PTPRT: variants seen among roughly 807,000 people sequenced by gnomAD.
PTPRT encodes the protein receptor-type tyrosine-protein phosphatase T.
PTPRT carries 56 observed loss-of-function variants against 176.8 expected under a neutral mutation model. That is an observed-to-expected ratio of 0.32 (90% confidence interval 0.26 to 0.40). The LOEUF (loss-of-function observed/expected upper bound fraction) is 0.40, where lower values mean the gene tolerates loss of function less well. Ranked by LOEUF, PTPRT falls within the 10% of genes least tolerant of loss-of-function variation. The pLI, the probability that PTPRT is intolerant of heterozygous loss-of-function variation, is 1.00. For missense variants in PTPRT, 1,540 were observed against 1,908.2 expected (o/e 0.81, Z 3.60); for synonymous variants, 783 against 739.0 (o/e 1.06, Z -0.96).
chr20:42,747,891 T>C (rs894484861), intron 6 of PTPRT, among the ~76,000 whole-genome samples: 4 of 152,296 alleles, frequency 2.6e-5, no homozygotes, highest in Admixed American at 6.5e-5. Context: ...TATCTAACTT[T>C]TTCAAATGAT....
chr20:42,428,054 C>T (rs1263466392), intron 9 of PTPRT, among the ~76,000 whole-genome samples: 2 of 152,330 alleles, frequency 1.3e-5, no homozygotes, highest in Admixed American at 1.3e-4. Context: ...AGCCATGTTG[C>T]TCACACAAAG....
At chr20:42,579,065 C>G (rs1010756076) in intron 7 of PTPRT, among the ~76,000 whole-genome samples, 1 of 119,174 alleles carries the variant, frequency 8.4e-6, no homozygotes, top group Non-Finnish European at 1.7e-5. Flanking sequence ...CCCCTCCCCC[C>G]ACCCCACAAC....
At chr20:43,105,698 C>T (rs532425974) in intron 1 of PTPRT, among the ~76,000 whole-genome samples, 1 of 152,248 alleles carries the variant, frequency 6.6e-6, no homozygotes, top group Non-Finnish European at 1.5e-5. Context: ...CCGCACCCAG[C>T]CTTCTCTGCT....
At chr20:42,326,334 T>C (rs568188209) in intron 11 of PTPRT, among the ~76,000 whole-genome samples, 1 of 152,280 alleles carries the variant, frequency 6.6e-6, no homozygotes, top group Non-Finnish European at 1.5e-5. Context: ...AATGGAATAA[T>C]TGTGACCAAT....
chr20:42,608,346 A>T (rs1010591783), intron 7 of PTPRT, among the ~76,000 whole-genome samples: 7 of 151,938 alleles, frequency 4.6e-5, no homozygotes, highest in African/African-American at 1.7e-4. Context: ...GTCTCTGGAA[A>T]CCCAGAACGT....
chr20:42,636,230 T>G (rs1047551154), intron 7 of PTPRT, among the ~76,000 whole-genome samples: 8 of 152,068 alleles, frequency 5.3e-5, no homozygotes, highest in African/African-American at 1.9e-4. Context: ...AAGTCTGAAG[T>G]GGGTAGGGAC....
At chr20:42,338,666 AC>A (rs2058072538) in intron 11 of PTPRT, among the ~76,000 whole-genome samples, 1 of 152,258 alleles carries the variant, frequency 6.6e-6, no homozygotes, top group Non-Finnish European at 1.5e-5. Flanking sequence ...TTGAAAAAAA[AC>A]ATTGATTCCT....
chr20:42,831,606 G>C (rs546206756), intron 2 of PTPRT, among the ~76,000 whole-genome samples: 1 of 152,224 alleles, frequency 6.6e-6, no homozygotes, highest in Non-Finnish European at 1.5e-5. Context: ...TACATAATGC[G>C]AGAAAATGTT....
intron 13 of PTPRT, among the ~76,000 whole-genome samples, chr20:42,272,350 T>A (rs1179186604): frequency 6.6e-6 from 1 of 152,116 alleles, no homozygotes; most frequent in African/African-American, 2.4e-5. Context: ...ATATTTACTA[T>A]CTGTCCTTTT....
chr20:42,168,169 AGGAGG>A (rs1989912200), intron 16 of PTPRT, among the ~76,000 whole-genome samples: 1 of 151,640 alleles, frequency 6.6e-6, no homozygotes, highest in Non-Finnish European at 1.5e-5. Flanking sequence ...ACTGAGGAGG[AGGAGG>A]AGGAGGAGGA....
At chr20:42,544,646 C>T (rs149757998) in intron 7 of PTPRT, among the ~76,000 whole-genome samples, 2 of 152,282 alleles carry the variant, frequency 1.3e-5, no homozygotes, top group African/African-American at 4.8e-5. Flanking sequence ...AGACTTTCCA[C>T]TCCTCTCTCA....
At chr20:42,194,457 A>T (rs1991120714) in intron 16 of PTPRT, among the ~76,000 whole-genome samples, 2 of 152,228 alleles carry the variant, frequency 1.3e-5, no homozygotes, top group African/African-American at 4.8e-5. Context: ...GTCAAATGCC[A>T]TTATGGGAAG....
At chr20:42,750,939 G>C (rs184010244) in intron 6 of PTPRT, among the ~76,000 whole-genome samples, 7 of 152,044 alleles carry the variant, frequency 4.6e-5, no homozygotes, top group African/African-American at 7.2e-5. Context: ...TGTATACCCA[G>C]GTACATTATC....
At chr20:42,945,758 G>A (rs1381384004) in intron 1 of PTPRT, among the ~76,000 whole-genome samples, 1 of 152,028 alleles carries the variant, frequency 6.6e-6, no homozygotes, top group East Asian at 1.9e-4. Context: ...CTATTTTAAA[G>A]TGTACAATTC....
intron 7 of PTPRT, among the ~76,000 whole-genome samples, chr20:42,658,002 T>C (rs1306582456): frequency 6.6e-6 from 1 of 152,126 alleles, no homozygotes; most frequent in East Asian, 1.9e-4. Flanking sequence ...TTAACAGTTT[T>C]AAGTTATATC....
At chr20:42,432,119 A>T (rs2145804575) in intron 9 of PTPRT, among the ~76,000 whole-genome samples, 1 of 152,310 alleles carries the variant, frequency 6.6e-6, no homozygotes. Context: ...CAGCTATGAG[A>T]GAAGGGAGAC....
intron 1 of PTPRT, among the ~76,000 whole-genome samples, chr20:43,181,515 G>A (rs867016506): frequency 2.4e-4 from 37 of 152,282 alleles, no homozygotes; most frequent in Non-Finnish European, 4.9e-4. Context: ...GGTGACCTCA[G>A]CTTCTCAGTA....
chr20:42,881,991 A>G (rs556546350), intron 2 of PTPRT, among the ~76,000 whole-genome samples: 457 of 152,256 alleles, frequency 3.0e-3, no homozygotes, highest in Non-Finnish European at 5.1e-3. Flanking sequence ...ATTTCATCCT[A>G]TGTGCCAGGG....
At chr20:42,488,296 A>G (rs2071497655) in intron 7 of PTPRT, among the ~76,000 whole-genome samples, 1 of 152,146 alleles carries the variant, frequency 6.6e-6, no homozygotes, top group South Asian at 2.1e-4. Context: ...GCTGTGTGTA[A>G]ACTTAATTTG....
Sources: allele counts gnomAD v4.1 joint callset (sites outside exome capture counted in the v4.1 genomes callset), GRCh38; gene constraint gnomAD v4.1.1; transcripts MANE v1.5; gene names NCBI Gene and HGNC (gene_info 2026-07-23, HGNC 2026-07-21).